Variants in ADCY2 observed in about 807,000 individuals in gnomAD.
ADCY2 encodes the protein adenylate cyclase type 2.
ADCY2 carries 31 observed loss-of-function variants against 125.2 expected under a neutral mutation model. The ratio of observed to expected loss-of-function variants is 0.25; its 90% CI spans 0.19 to 0.33. ADCY2 has a LOEUF of 0.33. ADCY2 is among the 10% of genes least tolerant of loss of function. The pLI is 1.00. For synonymous variants in ADCY2, 512 were observed against 548.4 expected, an observed-to-expected ratio of 0.93 and a Z score of 0.93; for missense variants, 904 against 1,418.2, an observed-to-expected ratio of 0.64 and a Z score of 5.82.
At chr5:7,468,939 CT>C in intron 2 of ADCY2, among the ~76,000 whole-genome samples, 1 of 152,208 alleles carries the variant, frequency 6.6e-6, no homozygotes, top group South Asian at 2.1e-4. Flanking sequence ...CATGCCAAAG[CT>C]ATATCACTCC....
intron 18 of ADCY2, among the ~76,000 whole-genome samples, chr5:7,774,671 C>G (rs947035292): frequency 5.3e-5 from 8 of 152,112 alleles, no homozygotes; most frequent in African/African-American, 1.7e-4. Flanking sequence ...GGAGTTTTGC[C>G]TTTAGATCAC....
intron 12 of ADCY2, 50 bp downstream of exon 12, chr5:7,717,287 G>A (rs749484436): frequency 1.5e-6 from 2 of 1,366,328 alleles, no homozygotes; most frequent in Non-Finnish European, 2.1e-6. Flanking sequence ...TTATGTTCCA[G>A]TTGTATTTTA....
At chr5:7,568,179 C>G (rs1189121002) in intron 3 of ADCY2, among the ~76,000 whole-genome samples, 1 of 152,130 alleles carries the variant, frequency 6.6e-6, no homozygotes, top group Non-Finnish European at 1.5e-5. Context: ...TTTATTCACA[C>G]ACATTTCTCC....
intron 3 of ADCY2, among the ~76,000 whole-genome samples, chr5:7,598,707 C>T (rs1258219569): frequency 3.3e-5 from 5 of 152,076 alleles, no homozygotes; most frequent in Non-Finnish European, 7.4e-5. Flanking sequence ...GCTTCCCAGC[C>T]CCGTTGCGCT....
intron 1 of ADCY2, among the ~76,000 whole-genome samples, chr5:7,398,118 A>AT (rs1415513678): frequency 1.7e-4 from 26 of 152,306 alleles, no homozygotes; most frequent in African/African-American, 6.0e-4. Context: ...TCAGCTTGTG[A>AT]TTCTCTTGAA....
chr5:7,440,184 A>G (rs1740959424), intron 2 of ADCY2, among the ~76,000 whole-genome samples: 1 of 152,198 alleles, frequency 6.6e-6, no homozygotes, highest in Non-Finnish European at 1.5e-5. Context: ...AGTTGTTATA[A>G]TAGAGTGGAC....
At chr5:7,687,774 C>A (rs1374044764) in intron 4 of ADCY2, among the ~76,000 whole-genome samples, 1 of 152,172 alleles carries the variant, frequency 6.6e-6, no homozygotes, top group Non-Finnish European at 1.5e-5. Flanking sequence ...ACAGCCTCAG[C>A]TATAAGAAGC....
chr5:7,594,103 A>C (rs1299581074), intron 3 of ADCY2, among the ~76,000 whole-genome samples: 1 of 152,182 alleles, frequency 6.6e-6, no homozygotes, highest in African/African-American at 2.4e-5. Flanking sequence ...AAGAATTATG[A>C]GTAAAAGAAT....
At chr5:7,504,775 C>T (rs1743741481) in intron 2 of ADCY2, among the ~76,000 whole-genome samples, 1 of 151,888 alleles carries the variant, frequency 6.6e-6, no homozygotes, top group Non-Finnish European at 1.5e-5. Context: ...TCTCAAAGTG[C>T]TGGGACTACA....
chr5:7,502,464 G>C (rs1743630328), intron 2 of ADCY2, among the ~76,000 whole-genome samples: 1 of 152,190 alleles, frequency 6.6e-6, no homozygotes. Flanking sequence ...CCGTGGACCA[G>C]GACAGAGAGG....
At chr5:7,625,671 C>G (rs73050144) in intron 3 of ADCY2, among the ~76,000 whole-genome samples, 6,929 of 152,250 alleles carry the variant, frequency 0.046, 506 homozygotes, top group African/African-American at 0.16. Flanking sequence ...CAGTTTGTAT[C>G]ACAATAATGC....
At chr5:7,641,032 C>G (rs1738686201) in intron 4 of ADCY2, among the ~76,000 whole-genome samples, 1 of 152,206 alleles carries the variant, frequency 6.6e-6, no homozygotes, top group Admixed American at 6.5e-5. Context: ...ATTTGAAAAG[C>G]TGATCTTACC....
At chr5:7,623,255 A>G (rs1738015721) in intron 3 of ADCY2, among the ~76,000 whole-genome samples, 1 of 152,160 alleles carries the variant, frequency 6.6e-6, no homozygotes, top group African/African-American at 2.4e-5. Context: ...AGGAAGAGAA[A>G]AAGCTCTCAT....
intron 3 of ADCY2, among the ~76,000 whole-genome samples, chr5:7,600,558 C>T (rs1056784615): frequency 3.3e-5 from 5 of 152,154 alleles, no homozygotes; most frequent in African/African-American, 1.2e-4. Context: ...GAAGGCTGTA[C>T]TTAGTGACTT....
chr5:7,597,618 A>T (rs545910229), intron 3 of ADCY2, among the ~76,000 whole-genome samples: 5 of 152,284 alleles, frequency 3.3e-5, no homozygotes, highest in African/African-American at 1.2e-4. Context: ...GTATAAAAAA[A>T]CTTTAAAATT....
chr5:7,816,032 T>C lies in ADCY2; in HGVS notation c.2884-834T>C, dbSNP rs2126536788. Among the ~76,000 whole-genome samples the C allele has an allele frequency of 4.6e-5, 7 of 152,260 alleles. 2 individuals carry two copies. Among genetic ancestry groups the C allele is most frequent in the Admixed American group, 4.6e-4 (7 of 15,302 alleles). On this transcript the variant is annotated intron_variant, in intron 22 of 24. Transcript: ENST00000338316. ...TGTGGGTGACTGGGTCCTAACTGCC[T>C]CTTCTTAAAAGGACACCAGTCATAT... is the stretch of plus-strand genomic sequence containing the variant.
At chr5:7,784,857 A>G (rs1013495457) in intron 19 of ADCY2, among the ~76,000 whole-genome samples, 1 of 152,116 alleles carries the variant, frequency 6.6e-6, no homozygotes, top group African/African-American at 2.4e-5. Flanking sequence ...CTGGGCCTGA[A>G]TACCTTTGCT....
At chr5:7,415,416 C>A (rs1327684347) in intron 2 of ADCY2, among the ~76,000 whole-genome samples, 1 of 152,168 alleles carries the variant, frequency 6.6e-6, no homozygotes, top group Non-Finnish European at 1.5e-5. Flanking sequence ...CAATTCTGTC[C>A]GTAGCCTTGT....
chr5:7,483,808 G>T (rs560603736), intron 2 of ADCY2, among the ~76,000 whole-genome samples: 5 of 152,178 alleles, frequency 3.3e-5, no homozygotes, highest in Admixed American at 6.5e-5. Context: ...TCCAAATCTG[G>T]TTCAATACAC....
Sources: allele counts gnomAD v4.1 joint callset (sites outside exome capture counted in the v4.1 genomes callset), GRCh38; gene constraint gnomAD v4.1.1; transcripts MANE v1.5; gene names NCBI Gene and HGNC (gene_info 2026-07-23, HGNC 2026-07-21).